Variants in WWP2 observed in about 807,000 individuals in gnomAD.
WWP2 encodes the protein NEDD4-like E3 ubiquitin-protein ligase WWP2.
Under a neutral mutation model 121.0 loss-of-function variants are expected in WWP2, and 57 were observed. The ratio of observed to expected loss-of-function variants is 0.47; its 90% CI spans 0.38 to 0.59. The LOEUF (loss-of-function observed/expected upper bound fraction) is 0.59, where lower values mean the gene tolerates loss of function less well. WWP2 is among the 20% of genes least tolerant of loss of function. The probability of loss-of-function intolerance (pLI) is 0.00; values close to 1 mark genes in which losing one functional copy is unlikely to be tolerated. For synonymous variants in WWP2, 449 were observed against 441.3 expected (o/e 1.02, Z -0.22); for missense variants, 962 against 1,158.9 (o/e 0.83, Z 2.47).
chr16:69,894,542 CTTTCCATAGCTTTTAAATTA>C (rs1164086538), intron 8 of WWP2, among the ~76,000 whole-genome samples: 2 of 152,182 alleles, frequency 1.3e-5, no homozygotes, highest in African/African-American at 4.8e-5. Flanking sequence ...AACCCTCCTG[CTTTCCATAGCTTTTAAATTA>C]ACTAGCGTGA....
rs190983128 is a variant in WWP2, at chr16:69,869,485, A to G, written c.576-2319A>G. 7.3e-5 allele frequency among the ~76,000 whole-genome samples: 11 copies of G among 151,602 alleles called. No homozygotes were observed. In the East Asian group the frequency reaches 2.1e-3, roughly 30 times the overall value. The stretch of plus-strand genomic sequence containing the variant: ...TGGCCTCCCAAGTACCTGGGACCAC[A>G]GGGGCACGCCACCACACCTGGCTAA... On this transcript the variant is annotated intron_variant, in intron 6 of 23. Coordinates refer to ENST00000359154, the MANE Select transcript of WWP2 (RefSeq NM_001270454.2).
chr16:69,940,162 T>G lies in WWP2; in HGVS notation c.*222T>G. On this transcript the variant is annotated 3_prime_UTR_variant, in exon 24 of 24. Transcript: ENST00000359154. ...TGGAATAAAGCCCCCTAGTTGCCTT[T>G]GGCCCCACCTTTGCAAAGTTCCAGA... The G allele has an allele frequency of 1.7e-6, 1 of 572,630 alleles. No individual in the cohort carries two copies. Among genetic ancestry groups the G allele is most frequent in the East Asian group, 2.9e-5 (1 of 34,264 alleles). 35.5% of individuals were successfully genotyped at this position (572,630 alleles called of 1,614,324 possible).
At chr16:69,816,911 A>G (rs183889238) in intron 4 of WWP2, among the ~76,000 whole-genome samples, 1 of 152,296 alleles carries the variant, frequency 6.6e-6, no homozygotes, top group Admixed American at 6.5e-5. Context: ...GAGAGATGCT[A>G]TGTAACTTGT....
intron 4 of WWP2, among the ~76,000 whole-genome samples, chr16:69,819,777 TA>T (rs1180983574): frequency 6.6e-6 from 1 of 152,144 alleles, no homozygotes; most frequent in Non-Finnish European, 1.5e-5. Context: ...TTCAGTGATT[TA>T]AAAAAACATT....
At chr16:69,776,274 T>TGGA (rs1355362821) in intron 1 of WWP2, 1 of 152,212 alleles carries the variant, frequency 6.6e-6, no homozygotes, top group Non-Finnish European at 1.5e-5. Context: ...TCTTCTTCCC[T>TGGA]GGAGAGTAGG....
intron 4 of WWP2, among the ~76,000 whole-genome samples, chr16:69,815,919 G>C (rs1004034800): frequency 3.3e-5 from 5 of 152,044 alleles, no homozygotes; most frequent in Admixed American, 2.6e-4. Context: ...CACCATACCA[G>C]GCTAATTTTT....
chr16:69,784,125 G>A (rs2055731331), intron 1 of WWP2, among the ~76,000 whole-genome samples: 1 of 110,754 alleles, frequency 9.0e-6, no homozygotes, highest in Admixed American at 1.3e-4. Context: ...TTGAGACGGA[G>A]TCTTGCTGTC....
intron 22 of WWP2, 90 bp from the exon 23 acceptor site, chr16:69,939,251 G>A (rs1351929023): frequency 6.3e-7 from 1 of 1,579,756 alleles, no homozygotes; most frequent in African/African-American, 1.3e-5. Flanking sequence ...TGCATCCTGG[G>A]GCCGAGCCCA....
At chr16:69,904,585 G>A (rs2058258317) in intron 8 of WWP2, among the ~76,000 whole-genome samples, 1 of 151,890 alleles carries the variant, frequency 6.6e-6, no homozygotes, top group Non-Finnish European at 1.5e-5. Flanking sequence ...TGCCCAAGCT[G>A]GCCTCAAACT....
intron 4 of WWP2, among the ~76,000 whole-genome samples, chr16:69,816,778 CACATAT>C (rs2056501223): frequency 6.6e-6 from 1 of 152,052 alleles, no homozygotes. Flanking sequence ...TACACACATA[CACATAT>C]ACACACACAC....
At chr16:69,779,834 T>G (rs1436702994) in intron 1 of WWP2, among the ~76,000 whole-genome samples, 1 of 152,218 alleles carries the variant, frequency 6.6e-6, no homozygotes. Context: ...TTATAATTAT[T>G]TATAATCTTT....
chr16:69,913,169 C>T (rs61611907), intron 9 of WWP2, among the ~76,000 whole-genome samples: 112,183 of 147,424 alleles, frequency 0.76, 43,546 homozygotes, highest in East Asian at 0.96. Flanking sequence ...GGGTTACAGG[C>T]ACATGCCACC....
intron 7 of WWP2, among the ~76,000 whole-genome samples, chr16:69,881,870 T>C (rs2057836372): frequency 6.6e-6 from 1 of 152,200 alleles, no homozygotes; most frequent in East Asian, 1.9e-4. Context: ...TTTTTCTATT[T>C]TTAGTAGAGA....
chr16:69,784,596 G>C (rs2055742186), intron 1 of WWP2, among the ~76,000 whole-genome samples: 1 of 152,150 alleles, frequency 6.6e-6, no homozygotes, highest in Non-Finnish European at 1.5e-5. Flanking sequence ...GAATGTCCTT[G>C]ATGAAGTGGT....
intron 4 of WWP2, among the ~76,000 whole-genome samples, chr16:69,803,830 C>A (rs2056221867): frequency 6.6e-6 from 1 of 152,126 alleles, no homozygotes; most frequent in South Asian, 2.1e-4. Context: ...GTCACTTGAA[C>A]CTGGGAGGCG....
chr16:69,913,514 TA>T (rs1281146406), intron 9 of WWP2, among the ~76,000 whole-genome samples: 16 of 150,642 alleles, frequency 1.1e-4, no homozygotes, highest in Admixed American at 9.9e-4. Context: ...AAAATTATAA[TA>T]ATAAATAAAA....
At chr16:69,840,326 AG>A in intron 5 of WWP2, 63 bp downstream of exon 5, 1 of 1,602,086 alleles carries the variant, frequency 6.2e-7, no homozygotes, top group Middle Eastern at 2.2e-4. Flanking sequence ...GGGGGCCAGG[AG>A]GTGCTGAGAG....
At chr16:69,927,414 C>G (rs2058655184) in intron 11 of WWP2, among the ~76,000 whole-genome samples, 1 of 150,998 alleles carries the variant, frequency 6.6e-6, no homozygotes, top group African/African-American at 2.4e-5. Flanking sequence ...CCACATCTGC[C>G]CTCGGCAGCC....
At chr16:69,859,094 C>T (rs72785019) in intron 6 of WWP2, among the ~76,000 whole-genome samples, 8,472 of 152,322 alleles carry the variant, frequency 0.056, 288 homozygotes, top group Middle Eastern at 0.11. Context: ...CAAATCACCA[C>T]AAACTCAGGG....
Sources: gnomAD v4.1 joint callset for allele counts (sites outside exome capture counted in the v4.1 genomes callset) on GRCh38, gnomAD v4.1.1 for gene constraint, MANE v1.5 for transcripts, NCBI Gene and HGNC (gene_info 2026-07-23, HGNC 2026-07-21) for gene names.